The following ZNF213 variants were observed in gnomAD, a reference collection of about 807,000 sequenced individuals.
ZNF213 encodes the protein putative transcription factor CR53.
Under a neutral mutation model 46.0 loss-of-function variants are expected in ZNF213, and 32 were observed. The observed-to-expected ratio is 0.70, with a 90% CI of 0.52 to 0.93. The LOEUF is 0.93. Ranked by LOEUF, ZNF213 falls within the 40% of genes least tolerant of loss-of-function variation. The pLI is 0.00. For synonymous variants in ZNF213, 297 were observed against 271.0 expected (o/e 1.10, Z -0.94); for missense variants, 639 against 652.8 (o/e 0.98, Z 0.23).
rs372185666 is a variant in ZNF213, at chr16:3,135,112, G to C, written c.-391G>C. 66 of 147,938 alleles carry C rather than the reference G, an allele frequency of 4.5e-4. No homozygotes were observed. The East Asian group carries it at 8.0e-3, about 18-fold the overall frequency. 9.2% of individuals were successfully genotyped at this position (147,938 alleles called of 1,614,324 possible). Reference sequence around the variant, plus strand: ...CGTTGTGTGTTTCGGGGGCGGGGGCGGGGGCGGGGGCCGGGGCGGGGACGG... The same window carrying C: ...CGTTGTGTGTTTCGGGGGCGGGGGCCGGGGCGGGGGCCGGGGCGGGGACGG... On this transcript the variant is annotated 5_prime_UTR_variant, in exon 1 of 6. Coordinates refer to ENST00000396878, the MANE Select transcript of ZNF213 (RefSeq NM_004220.3).
intron 2 of ZNF213, chr16:3,138,031 G>T: frequency 2.2e-6 from 1 of 459,208 alleles, no homozygotes; most frequent in Non-Finnish European, 3.9e-6. Flanking sequence ...AGAGTGGGGC[G>T]AGAAGGTGGA....
chr16:3,140,733 A>ATGGTGCCGG lies in ZNF213; in HGVS notation c.774_782dup (p.Val259_Pro261dup). ...AAGTGAGAAGTCCCTGCTGCAGGAG[A>ATGGTGCCGG]TGGTGCCGGTGGTGCCAGGCCAGAC... is the stretch of plus-strand genomic sequence containing the variant. On this transcript the variant is annotated inframe_insertion, in exon 6 of 6. Transcript: ENST00000396878. The ATGGTGCCGG allele has an allele frequency of 6.5e-7, 1 of 1,530,202 alleles. No individual in the cohort carries two copies. The highest frequency in any genetic ancestry group is 8.7e-7 in the Non-Finnish European group (1 of 1,145,416). 94.8% of individuals were successfully genotyped at this position (1,530,202 alleles called of 1,614,324 possible). A position where few individuals can be genotyped will look rare whatever the true frequency, so the allele number is the denominator to read the frequency against.
intron 5 of ZNF213, 98 bp from the exon 6 acceptor site, chr16:3,140,591 G>A: frequency 7.1e-7 from 1 of 1,410,700 alleles, no homozygotes; most frequent in East Asian, 2.7e-5. Context: ...TTCTGAACCT[G>A]GAGGCCAGGG....
intron 2 of ZNF213, chr16:3,137,913 A>T: frequency 1.7e-6 from 1 of 596,032 alleles, no homozygotes; most frequent in Non-Finnish European, 2.9e-6. Context: ...TGAAGTGCGA[A>T]TGTTCCAGAC....
In ZNF213 at chr16:3,141,646, G is replaced by A. The variant is rs1051506996; in HGVS notation, c.*299G>A. ...AACACATTCCTGGCAGGGACAGCAG[G>A]GTGGCAAGGACTCAGGTCTAGGTCC... On this transcript the variant is annotated 3_prime_UTR_variant, in exon 6 of 6. Coordinates refer to ENST00000396878, the MANE Select transcript of ZNF213 (RefSeq NM_004220.3). 9 of 443,734 alleles carry A rather than the reference G, an allele frequency of 2.0e-5. No individual in the cohort carries two copies. The highest frequency in any genetic ancestry group is 1.6e-4 in the African/African-American group (8 of 49,488). The allele number at this position is 443,734 out of a possible 1,614,324, so 27.5% of individuals were successfully genotyped here.
In ZNF213 at chr16:3,137,907, G is replaced by A. The variant is rs1330655908; in HGVS notation, c.399+228G>A. On this transcript the variant is annotated intron_variant, in intron 2 of 5. Transcript: ENST00000396878. ...TTTGGAAGGCAGCAATAGGGCTGAA[G>A]TGCGAATGTTCCAGACAGGAGGTTT... 4.9e-6 allele frequency: 3 copies of A among 608,284 alleles called. No individual in the cohort carries two copies. The East Asian group carries it at 8.6e-5, about 18-fold the overall frequency. The allele number at this position is 608,284 out of a possible 1,614,324, so 37.7% of individuals were successfully genotyped here.
At position 3,137,499 on chromosome 16, in the gene ZNF213, G is replaced by C. The variant is rs779031082; in HGVS notation, c.219G>C (p.Trp73Cys). Residue 73 changes from tryptophan (W) to cysteine (C), a missense_variant, in exon 2 of 6, where the codon TGG (tryptophan) becomes TGC (cysteine). By Grantham distance (215) the Trp-to-Cys change is radical. Transcript: ENST00000396878. ...FSQLWELCCR[W>C]LRPELRTKEQ... ...AGCTCTGGGAGCTCTGCTGCCGCTG[G>C]CTGCGGCCCGAGCTGCGTACCAAGG... 3 of 1,613,964 alleles carry C rather than the reference G, an allele frequency of 1.9e-6. No homozygotes were observed. The highest frequency in any genetic ancestry group is 3.3e-4 in the Middle Eastern group (2 of 5,994).
rs1453648776 is a variant in ZNF213, at chr16:3,140,787, C to A, written c.820C>A (p.Pro274Thr). 1.3e-6 allele frequency: 2 copies of A among 1,594,276 alleles called. No individual in the cohort carries two copies. Among genetic ancestry groups the A allele is most frequent in the African/African-American group, 1.4e-5 (1 of 73,230 alleles). Residue 274 changes from proline to threonine, a missense_variant, in exon 6 of 6, where the codon CCC becomes ACC. Transcript: ENST00000396878. ...TGSDVTVSWS[P>T]EEAEAWESEN... ...CAGCGACGTGACTGTGTCCTGGAGC[C>A]CCGAGGAGGCTGAGGCCTGGGAGAG...
rs1005143594 is a variant in ZNF213 at position 3,135,144 on chromosome 16, T to G, written c.-359T>G. 7.9e-5 allele frequency: 12 copies of G among 152,114 alleles called. No homozygotes were observed. Among genetic ancestry groups the G allele is most frequent in the Non-Finnish European group, 1.6e-4 (11 of 67,804 alleles). 9.4% of individuals were successfully genotyped at this position (152,114 alleles called of 1,614,324 possible). ...GGGGCCGGGGCGGGGACGGGGCCTC[T>G]GGCCGCCTGGCTCCAACATCAAGCA... On this transcript the variant is annotated 5_prime_UTR_variant, in exon 1 of 6. Transcript: ENST00000396878.
At chr16:3,136,377 C>T (rs887175056) in intron 1 of ZNF213, among the ~76,000 whole-genome samples, 3 of 152,096 alleles carry the variant, frequency 2.0e-5, no homozygotes, top group African/African-American at 7.2e-5. Context: ...AAGCACATCT[C>T]CAGAGGGATC....
intron 2 of ZNF213, 187 bp from the exon 3 acceptor site, chr16:3,138,231 C>T (rs556534974): frequency 1.7e-6 from 2 of 1,148,080 alleles, no homozygotes; most frequent in South Asian, 3.1e-5. Context: ...GATCGGGGAG[C>T]ATCCTTGGGC....
rs554894047 is a variant in ZNF213, at chr16:3,141,080, G to A, written c.1113G>A (p.Lys371=). Residue 371 remains lysine, a synonymous_variant, in exon 6 of 6, where the codon AAG becomes AAA. Coordinates refer to ENST00000396878, the MANE Select transcript of ZNF213 (RefSeq NM_004220.3). The part of the protein sequence containing the change: ...VRHQGVHTGE[K]PFSCSECGKS... ...ACCAAGGCGTGCACACGGGCGAGAA[G>A]CCCTTCTCCTGTTCCGAGTGCGGCA... 1 of 1,613,348 alleles carries A rather than the reference G, an allele frequency of 6.2e-7. No individual in the cohort carries two copies. Among genetic ancestry groups the A allele is most frequent in the African/African-American group, 1.3e-5 (1 of 75,056 alleles).
chr16:3,138,257 G>A, intron 2 of ZNF213, 161 bp from the exon 3 acceptor site: 5 of 1,359,210 alleles, frequency 3.7e-6, no homozygotes, highest in Non-Finnish European at 4.0e-6. Flanking sequence ...GCATTACCTG[G>A]TATCACATTC....
intron 2 of ZNF213, chr16:3,138,143 G>C: frequency 1.8e-6 from 1 of 544,956 alleles, no homozygotes; most frequent in Non-Finnish European, 3.1e-6. Flanking sequence ...TTCTGCCTTT[G>C]GCAGGAGGGT....
chr16:3,140,643 C>T, intron 5 of ZNF213, 46 bp from the exon 6 acceptor site: 1 of 1,473,310 alleles, frequency 6.8e-7, no homozygotes. Context: ...CAGCTCTGGC[C>T]CCAGAACCGC....
Position 3,141,513 on chromosome 16 carries a change from G to T in ZNF213, c.*166G>T, listed in dbSNP as rs1384776937. The T allele has an allele frequency of 4.0e-6, 3 of 748,554 alleles. No individual in the cohort carries two copies. The highest frequency in any genetic ancestry group is 6.2e-6 in the Non-Finnish European group (3 of 485,956). 46.4% of individuals were successfully genotyped at this position (748,554 alleles called of 1,614,324 possible). A position where few individuals can be genotyped will look rare whatever the true frequency, so the allele number is the denominator to read the frequency against. On this transcript the variant is annotated 3_prime_UTR_variant, in exon 6 of 6. Coordinates refer to ENST00000396878, the MANE Select transcript of ZNF213 (RefSeq NM_004220.3). ...CTGCCCTGCTTGGCTCTGAGGACCT[G>T]CCCAGCGCTCAAAGGGAACGGAAGC...
In ZNF213 at chr16:3,141,598, C is replaced by A. The variant is rs1395925376; in HGVS notation, c.*251C>A. 7 of 489,206 alleles carry A rather than the reference C, an allele frequency of 1.4e-5. No individual in the cohort carries two copies. Among genetic ancestry groups the A allele is most frequent in the Non-Finnish European group, 2.5e-5 (7 of 279,642 alleles). 30.3% of individuals were successfully genotyped at this position (489,206 alleles called of 1,614,324 possible). ...CCCTTCTGCGCCTAGCGTTCCTCTT[C>A]CCCTCTAGTTTCCTGGAGCCCCAAC... On this transcript the variant is annotated 3_prime_UTR_variant, in exon 6 of 6. Coordinates refer to ENST00000396878, the MANE Select transcript of ZNF213 (RefSeq NM_004220.3).
At chr16:3,135,807 A>AT (rs1957528608) in intron 1 of ZNF213, among the ~76,000 whole-genome samples, 1 of 133,868 alleles carries the variant, frequency 7.5e-6, no homozygotes, top group African/African-American at 2.7e-5. Context: ...GATGGTTTGT[A>AT]TTTTTTTCAT....
At chr16:3,137,918 C>G (rs1468655258) in intron 2 of ZNF213, 1 of 592,492 alleles carries the variant, frequency 1.7e-6, no homozygotes, top group African/African-American at 1.9e-5. Context: ...TGCGAATGTT[C>G]CAGACAGGAG....
Sources: gnomAD v4.1 joint callset for allele counts (sites outside exome capture counted in the v4.1 genomes callset) on GRCh38, gnomAD v4.1.1 for gene constraint, MANE v1.5 for transcripts, NCBI Gene and HGNC (gene_info 2026-07-23, HGNC 2026-07-21) for gene names.